Variants in TMEM192 observed in about 807,000 individuals in gnomAD.
TMEM192 encodes transmembrane protein 192.
TMEM192 carries 20 observed loss-of-function variants against 26.7 expected under a neutral mutation model. The ratio of observed to expected loss-of-function variants is 0.75; its 90% CI spans 0.53 to 1.09. TMEM192 has a LOEUF of 1.09. Ranked by LOEUF, TMEM192 falls within the 50% of genes least tolerant of loss-of-function variation. TMEM192 has a pLI of 0.00. For synonymous variants in TMEM192, 124 were observed against 121.0 expected (o/e 1.02, Z -0.16); for missense variants, 304 against 322.6 (o/e 0.94, Z 0.44).
chr4:165,093,387 G>A (rs773713926), intron 3 of TMEM192, among the ~76,000 whole-genome samples: 17 of 151,962 alleles, frequency 1.1e-4, no homozygotes, highest in African/African-American at 2.2e-4. Context: ...GAGCCACCGC[G>A]CCTGGCCAAT....
At chr4:165,091,907 C>A (rs186659720) in intron 3 of TMEM192, among the ~76,000 whole-genome samples, 1 of 152,212 alleles carries the variant, frequency 6.6e-6, no homozygotes, top group East Asian at 1.9e-4. Context: ...TCAGGACCCA[C>A]ATGGTGGGAA....
In TMEM192 at chr4:165,112,766, G is replaced by A; in HGVS notation, c.8C>T (p.Ala3Val). ...ACTCACGTCCTCCATCCTGCCCCCC[G>A]CCGCCATTTCCCGACGCCGGAGGCC... MA[A>V]GGRMEDGSLD... The change falls in exon 1 of 6, where the codon GCG becomes GTG. Residue 3 changes from alanine to valine, a missense_variant. Physicochemically the swap from Ala to Val is moderately conservative, Grantham distance 64 (BLOSUM62 0). Coordinates refer to ENST00000306480, the MANE Select transcript of TMEM192 (RefSeq NM_001100389.2). 1.2e-6 allele frequency: 2 copies of A among 1,607,560 alleles called. No homozygotes were observed. The highest frequency in any genetic ancestry group is 1.7e-6 in the Non-Finnish European group (2 of 1,178,800).
Position 165,100,668 on chromosome 4 carries a change from T to C in TMEM192, c.399A>G (p.Thr133=). 2 of 1,614,184 alleles carry C rather than the reference T, an allele frequency of 1.2e-6. No homozygotes were observed. Among genetic ancestry groups the C allele is most frequent in the South Asian group, 2.2e-5 (2 of 91,082 alleles). ...TCAACGCAAGTCTCTTGAGATGCCT[T>C]GTTGATCGGTAGATCAAGTTATAGC... is the stretch of plus-strand genomic sequence containing the variant. The part of the protein sequence containing the change: ...NRGYNLIYRS[T]RHLKRLALMI... The change falls in exon 3 of 6, where the codon ACA becomes ACG. Residue 133 remains threonine (T), a synonymous_variant. Coordinates refer to ENST00000306480, the MANE Select transcript of TMEM192 (RefSeq NM_001100389.2).
intron 4 of TMEM192, among the ~76,000 whole-genome samples, chr4:165,086,592 T>A (rs542012602): frequency 6.6e-6 from 1 of 151,964 alleles, no homozygotes; most frequent in Admixed American, 6.6e-5. Flanking sequence ...CAGCTAATTT[T>A]TTTTGTATTT....
intron 1 of TMEM192, 91 bp downstream of exon 1, chr4:165,112,656 T>G (rs2110809930): frequency 2.4e-5 from 38 of 1,556,518 alleles, no homozygotes; most frequent in Non-Finnish European, 3.3e-5. Context: ...TCGCCAAGGG[T>G]GGCTTCCCTC....
At position 165,070,996 on chromosome 4, in the gene TMEM192, G is replaced by C. The variant is rs1170009271; in HGVS notation, c.*8662C>G. The C allele has an allele frequency of 1.3e-5, 2 of 152,014 alleles. No homozygotes were observed. The highest frequency in any genetic ancestry group is 2.9e-5 in the Non-Finnish European group (2 of 67,994). 9.4% of individuals were successfully genotyped at this position (152,014 alleles called of 1,614,324 possible). A position where few individuals can be genotyped will look rare whatever the true frequency, so the allele number is the denominator to read the frequency against. On this transcript the variant is annotated 3_prime_UTR_variant, in exon 6 of 6. Transcript: ENST00000306480. ...GCAGTATTTTCCCCTTATCTACAGG[G>C]GAAACATTACAAGACCTCAGGTGAT...
rs1023296827 is a variant in TMEM192, at chr4:165,079,200, T to C, written c.*458A>G. ...GCATATAAAATACATGATAAGGCTC[T>C]CCAGGAAAAAATATTCACAAGAAAT... On this transcript the variant is annotated 3_prime_UTR_variant, in exon 6 of 6. Transcript: ENST00000306480. 6.5e-6 allele frequency: 1 copy of C among 154,008 alleles called. No individual in the cohort carries two copies. The highest frequency in any genetic ancestry group is 1.4e-5 in the Non-Finnish European group (1 of 69,340). 9.5% of individuals were successfully genotyped at this position (154,008 alleles called of 1,614,324 possible). A position where few individuals can be genotyped will look rare whatever the true frequency, so the allele number is the denominator to read the frequency against.
In TMEM192 at chr4:165,078,037, T is replaced by G. The variant is rs1734430392; in HGVS notation, c.*1621A>C. The G allele has an allele frequency of 6.6e-6, 1 of 151,664 alleles. No homozygotes were observed. The highest frequency in any genetic ancestry group is 1.5e-5 in the Non-Finnish European group (1 of 67,934). 9.4% of individuals were successfully genotyped at this position (151,664 alleles called of 1,614,324 possible). ...CCTCAGCCTCCCAAAGTACTAAGAT[T>G]ACAGGCATGAGCAACTGCTCCCAGC... On this transcript the variant is annotated 3_prime_UTR_variant, in exon 6 of 6. Transcript: ENST00000306480.
At chr4:165,092,776 C>T (rs964312644) in intron 3 of TMEM192, among the ~76,000 whole-genome samples, 3 of 152,010 alleles carry the variant, frequency 2.0e-5, no homozygotes, top group Admixed American at 1.3e-4. Context: ...GAACCCCCAT[C>T]CAAACTAACT....
In TMEM192 at chr4:165,077,728, G is replaced by C. The variant is rs1734419336; in HGVS notation, c.*1930C>G. The C allele has an allele frequency of 6.6e-6, 1 of 152,010 alleles. No individual in the cohort carries two copies. The highest frequency in any genetic ancestry group is 1.5e-5 in the Non-Finnish European group (1 of 68,306). The allele number at this position is 152,010 out of a possible 1,614,324, so 9.4% of individuals were successfully genotyped here. On this transcript the variant is annotated 3_prime_UTR_variant, in exon 6 of 6. Coordinates refer to ENST00000306480, the MANE Select transcript of TMEM192 (RefSeq NM_001100389.2). ...CTACTGCGCTCCAGCCTGGGCAACA[G>C]AGCGAGACTCCGTCTGAAAAAAAAA...
intron 4 of TMEM192, 60 bp from the exon 5 acceptor site, chr4:165,085,748 T>G: frequency 7.9e-7 from 1 of 1,264,408 alleles, no homozygotes; most frequent in Non-Finnish European, 1.1e-6. Context: ...TTTCATTTTT[T>G]CAAATTATGC....
At chr4:165,088,724 T>G (rs1734683938) in intron 3 of TMEM192, 122 bp from the exon 4 acceptor site, 1 of 1,006,800 alleles carries the variant, frequency 9.9e-7, no homozygotes, top group Non-Finnish European at 1.4e-6. Flanking sequence ...TGTAATTTCC[T>G]GAGTGATCAG....
chr4:165,102,635 G>A (rs1487135075), intron 2 of TMEM192, among the ~76,000 whole-genome samples: 1 of 152,026 alleles, frequency 6.6e-6, no homozygotes, highest in Non-Finnish European at 1.5e-5. Context: ...ATATGAATGG[G>A]ACACACAGTG....
chr4:165,091,422 T>A (rs904239772), intron 3 of TMEM192, among the ~76,000 whole-genome samples: 2 of 152,198 alleles, frequency 1.3e-5, no homozygotes, highest in African/African-American at 4.8e-5. Context: ...GATGGTGCTA[T>A]AATTGGATTA....
rs775276569 is a variant in TMEM192 at position 165,100,682 on chromosome 4, T to A, written c.385A>T (p.Ile129Phe). The change falls in exon 3 of 6, where the codon ATC becomes TTC. Residue 129 changes from isoleucine to phenylalanine, a missense_variant. Coordinates refer to ENST00000306480, the MANE Select transcript of TMEM192 (RefSeq NM_001100389.2). Reference protein sequence around the residue: ...SKIRNRGYNLIYRSTRHLKRL... With the variant: ...SKIRNRGYNLFYRSTRHLKRL... The stretch of plus-strand genomic sequence containing the variant: ...TTGAGATGCCTTGTTGATCGGTAGA[T>A]CAAGTTATAGCCTCGGTTTCTGATT... 1.2e-6 allele frequency: 2 copies of A among 1,614,048 alleles called. No individual in the cohort carries two copies. The highest frequency in any genetic ancestry group is 2.7e-5 in the African/African-American group (2 of 74,928).
At chr4:165,086,259 A>AGAAG (rs1163142114) in intron 4 of TMEM192, among the ~76,000 whole-genome samples, 1 of 152,076 alleles carries the variant, frequency 6.6e-6, no homozygotes, top group Non-Finnish European at 1.5e-5. Context: ...AGGAGAATAA[A>AGAAG]GAAGGGTGCT....
In TMEM192 at chr4:165,077,638, A is replaced by G; in HGVS notation, c.*2020T>C. 6.6e-6 allele frequency: 1 copy of G among 152,270 alleles called. No individual in the cohort carries two copies. The highest frequency in any genetic ancestry group is 1.9e-4 in the East Asian group (1 of 5,190). 9.4% of individuals were successfully genotyped at this position (152,270 alleles called of 1,614,324 possible). ...CATGTGCCTGTAATCCCAGCTACTCAGCAGGCTGAGGTAGGAGAATTTCTT... is the reference window on the plus strand; with the variant it reads ...CATGTGCCTGTAATCCCAGCTACTCGGCAGGCTGAGGTAGGAGAATTTCTT... On this transcript the variant is annotated 3_prime_UTR_variant, in exon 6 of 6. Coordinates refer to ENST00000306480, the MANE Select transcript of TMEM192 (RefSeq NM_001100389.2).
intron 3 of TMEM192, among the ~76,000 whole-genome samples, chr4:165,095,966 T>G (rs1483064777): frequency 8.8e-6 from 1 of 113,966 alleles, no homozygotes; most frequent in African/African-American, 2.9e-5. Flanking sequence ...TTTTTTTTTT[T>G]TTGTATTTTT....
At chr4:165,110,550 A>G (rs569474290) in intron 1 of TMEM192, among the ~76,000 whole-genome samples, 2 of 152,344 alleles carry the variant, frequency 1.3e-5, no homozygotes, top group African/African-American at 4.8e-5. Context: ...TACTAAAAAT[A>G]CAAAATTAGC....
Sources: allele counts gnomAD v4.1 joint callset (sites outside exome capture counted in the v4.1 genomes callset), GRCh38; gene constraint gnomAD v4.1.1; transcripts MANE v1.5; gene names NCBI Gene and HGNC (gene_info 2026-07-23, HGNC 2026-07-21).